CDH13: variants seen among roughly 807,000 people sequenced by gnomAD.
CDH13 encodes the protein cadherin-13.
In CDH13, 24 loss-of-function variants were observed where a neutral mutation model predicts 63.8. The observed-to-expected ratio is 0.38, with a 90% CI of 0.27 to 0.53. The LOEUF is 0.53. CDH13 is among the 20% of genes least tolerant of loss of function. CDH13 has a pLI of 0.85. For missense variants in CDH13, 1,049 were observed against 903.1 expected, an observed-to-expected ratio of 1.16 and a Z score of -2.07; for synonymous variants, 503 against 355.3, an observed-to-expected ratio of 1.42 and a Z score of -4.67.
intron 1 of CDH13, among the ~76,000 whole-genome samples, chr16:82,694,732 C>A (rs1024756259): frequency 6.6e-6 from 1 of 152,194 alleles, no homozygotes; most frequent in Non-Finnish European, 1.5e-5. Context: ...ATGATTCACC[C>A]AATCACTCAT....
chr16:82,711,466 T>C (rs947933525), intron 1 of CDH13, among the ~76,000 whole-genome samples: 3 of 152,130 alleles, frequency 2.0e-5, no homozygotes, highest in Admixed American at 1.3e-4. Flanking sequence ...CAAGCATACT[T>C]CATCCACTTT....
intron 7 of CDH13, among the ~76,000 whole-genome samples, chr16:83,533,224 C>A (rs2075117773): frequency 1.3e-5 from 2 of 152,192 alleles, no homozygotes; most frequent in African/African-American, 4.8e-5. Flanking sequence ...AGGTAAACTT[C>A]CCCTCAATGC....
At chr16:82,981,003 C>T (rs758400176) in intron 2 of CDH13, among the ~76,000 whole-genome samples, 2 of 152,064 alleles carry the variant, frequency 1.3e-5, no homozygotes, top group African/African-American at 2.4e-5. Context: ...TAAATTTTGC[C>T]ATTTCAGCAC....
chr16:82,868,563 A>ACTTCTTGTGAGTGAGTG (rs1222937627), intron 2 of CDH13, among the ~76,000 whole-genome samples: 2 of 152,226 alleles, frequency 1.3e-5, no homozygotes, highest in African/African-American at 4.8e-5. Flanking sequence ...CACAAGAAGT[A>ACTTCTTGTGAGTGAGTG]ACAGAGTGAG....
intron 7 of CDH13, among the ~76,000 whole-genome samples, chr16:83,560,591 A>G (rs1598290283): frequency 6.6e-6 from 1 of 152,230 alleles, no homozygotes. Flanking sequence ...CTAAAGACCT[A>G]CTATTTAGAG....
intron 2 of CDH13, among the ~76,000 whole-genome samples, chr16:82,960,611 A>C (rs2151340091): frequency 6.6e-6 from 1 of 152,304 alleles, no homozygotes; most frequent in African/African-American, 2.4e-5. Context: ...TGGGCTTCAC[A>C]AACAAAATAG....
intron 1 of CDH13, among the ~76,000 whole-genome samples, chr16:82,675,103 T>G (rs1451718272): frequency 1.4e-5 from 2 of 147,128 alleles, no homozygotes; most frequent in South Asian, 4.5e-4. Flanking sequence ...TCATTTTAGC[T>G]GTCTTAATAA....
rs185536775 is a variant in CDH13, at chr16:83,138,350, A to G, written c.483+12849A>G. Among the ~76,000 whole-genome samples the G allele has an allele frequency of 3.9e-3, 591 of 152,116 alleles. 6 individuals carry two copies. Among genetic ancestry groups the G allele is most frequent in the African/African-American group, 0.013 (557 of 41,510 alleles). ...GGGCAGACCTGTAAACAGGCAGACA[A>G]GCGCTGTGATGGGGTGCTGTGGGAT... On this transcript the variant is annotated intron_variant, in intron 4 of 13. Transcript: ENST00000567109.
intron 7 of CDH13, among the ~76,000 whole-genome samples, chr16:83,581,208 A>G (rs1352833255): frequency 1.3e-5 from 2 of 152,200 alleles, no homozygotes; most frequent in Non-Finnish European, 1.5e-5. Flanking sequence ...GAAAGCAGGT[A>G]TGGTCTCTGC....
At chr16:82,884,113 A>T (rs958195617) in intron 2 of CDH13, 2 of 449,684 alleles carry the variant, frequency 4.4e-6, no homozygotes, top group Non-Finnish European at 8.9e-6. Flanking sequence ...AAATACAAAT[A>T]TTGTTGATTG....
At chr16:83,343,251 G>A (rs2090766463) in intron 5 of CDH13, among the ~76,000 whole-genome samples, 1 of 152,088 alleles carries the variant, frequency 6.6e-6, no homozygotes, top group Non-Finnish European at 1.5e-5. Flanking sequence ...ATCCATATTT[G>A]TAGGTCATGT....
intron 6 of CDH13, among the ~76,000 whole-genome samples, chr16:83,375,097 G>T (rs2091436969): frequency 1.3e-5 from 2 of 152,170 alleles, no homozygotes; most frequent in African/African-American, 4.8e-5. Flanking sequence ...GTCTGTGCAA[G>T]TCAGAGCATT....
At chr16:83,125,198 G>T (rs1438702547) in intron 3 of CDH13, among the ~76,000 whole-genome samples, 187 bp from the exon 4 acceptor site, 3 of 152,168 alleles carry the variant, frequency 2.0e-5, no homozygotes, top group Non-Finnish European at 4.4e-5. Context: ...TAGTTATAGT[G>T]AATAACAATG....
intron 1 of CDH13, among the ~76,000 whole-genome samples, chr16:82,695,658 C>G (rs894300429): frequency 6.6e-6 from 1 of 152,152 alleles, no homozygotes; most frequent in Non-Finnish European, 1.5e-5. Context: ...ACTGTGCTGA[C>G]CTCAGTCAAA....
chr16:83,598,287 C>A (rs2150745418), intron 7 of CDH13, among the ~76,000 whole-genome samples: 1 of 152,152 alleles, frequency 6.6e-6, no homozygotes, highest in South Asian at 2.1e-4. Flanking sequence ...ATTGTTTGAG[C>A]CAGGAAAATA....
chr16:83,273,018 G>A (rs1177490329), intron 5 of CDH13, among the ~76,000 whole-genome samples: 2 of 152,106 alleles, frequency 1.3e-5, no homozygotes, highest in Non-Finnish European at 2.9e-5. Flanking sequence ...TGGTGCCTGT[G>A]GCTGGTGCCT....
intron 1 of CDH13, among the ~76,000 whole-genome samples, chr16:82,753,905 G>T (rs1326745795): frequency 6.6e-6 from 1 of 152,138 alleles, no homozygotes; most frequent in Non-Finnish European, 1.5e-5. Context: ...ATATGTTAAA[G>T]TTCCATGAAC....
At chr16:82,935,566 G>T (rs1379984109) in intron 2 of CDH13, among the ~76,000 whole-genome samples, 1 of 152,172 alleles carries the variant, frequency 6.6e-6, no homozygotes, top group Admixed American at 6.5e-5. Flanking sequence ...ACCTACCTTG[G>T]AAATCATTTC....
chr16:83,102,756 G>A (rs114019400), intron 3 of CDH13, among the ~76,000 whole-genome samples: 1 of 152,210 alleles, frequency 6.6e-6, no homozygotes, highest in Admixed American at 6.5e-5. Flanking sequence ...TTGGAGCAAG[G>A]TGGTGGGAAT....
Sources: gnomAD v4.1 joint callset for allele counts (sites outside exome capture counted in the v4.1 genomes callset) on GRCh38, gnomAD v4.1.1 for gene constraint, MANE v1.5 for transcripts, NCBI Gene and HGNC (gene_info 2026-07-23, HGNC 2026-07-21) for gene names.